Variants in SDK1 observed in about 807,000 individuals in gnomAD.
SDK1 encodes protein sidekick-1.
A neutral mutation model predicts 245.5 loss-of-function variants in SDK1; 157 were observed. The ratio of observed to expected loss-of-function variants is 0.64; its 90% CI spans 0.56 to 0.73. SDK1 has a LOEUF of 0.73. Ranked by LOEUF, SDK1 falls within the 30% of genes least tolerant of loss-of-function variation. The pLI, the probability that SDK1 is intolerant of heterozygous loss-of-function variation, is 0.00. For missense variants in SDK1, 3,583 were observed against 3,002.3 expected (o/e 1.19, Z -4.52); for synonymous variants, 1,647 against 1,278.5 (o/e 1.29, Z -6.15).
At chr7:3,906,527 A>G (rs549812391) in intron 5 of SDK1, among the ~76,000 whole-genome samples, 8 of 140,558 alleles carry the variant, frequency 5.7e-5, no homozygotes, top group Admixed American at 5.2e-4. Context: ...TGCTTGTGCT[A>G]TTGTCCTGCT....
In SDK1 at chr7:4,010,960, T is replaced by C. The variant is rs1785898426; in HGVS notation, c.2132-6T>C. 1 of 1,614,172 alleles carries C rather than the reference T, an allele frequency of 6.2e-7. No individual in the cohort carries two copies. Among genetic ancestry groups the C allele is most frequent in the Non-Finnish European group, 8.5e-7 (1 of 1,179,982 alleles). ...GGGCTTGAATTCGTTTTCTTCATTC[T>C]TTCAGACTCTCCATGGAAGGTGCAT... On this transcript the variant is annotated splice_polypyrimidine_tract_variant and splice_region_variant and intron_variant, in intron 14 of 44. Coordinates refer to ENST00000404826, the MANE Select transcript of SDK1 (RefSeq NM_152744.4).
At chr7:3,316,431 T>C (rs1420996708) in intron 1 of SDK1, among the ~76,000 whole-genome samples, 1 of 152,166 alleles carries the variant, frequency 6.6e-6, no homozygotes, top group Non-Finnish European at 1.5e-5. Context: ...CCATAACATC[T>C]AGGTTTGTGT....
At chr7:3,308,990 A>G (rs1779486135) in intron 1 of SDK1, among the ~76,000 whole-genome samples, 1 of 152,184 alleles carries the variant, frequency 6.6e-6, no homozygotes, top group Non-Finnish European at 1.5e-5. Context: ...AGTTGGTAGC[A>G]GGAATTTTAG....
intron 1 of SDK1, among the ~76,000 whole-genome samples, chr7:3,311,221 G>C (rs999329960): frequency 3.3e-5 from 5 of 152,090 alleles, no homozygotes; most frequent in African/African-American, 1.2e-4. Flanking sequence ...ATGAGTTAGG[G>C]AATGGTTATG....
intron 17 of SDK1, among the ~76,000 whole-genome samples, chr7:4,047,177 G>T (rs1443197214): frequency 6.6e-6 from 1 of 152,052 alleles, no homozygotes; most frequent in African/African-American, 2.4e-5. Context: ...TGCTGAGAGG[G>T]TTTTTTCTTT....
At chr7:3,791,487 G>A (rs563962761) in intron 4 of SDK1, among the ~76,000 whole-genome samples, 1 of 152,176 alleles carries the variant, frequency 6.6e-6, no homozygotes, top group Non-Finnish European at 1.5e-5. Context: ...CATCAGTCAT[G>A]AGCCCAAAAT....
chr7:3,814,828 C>T (rs1243826620), intron 4 of SDK1, among the ~76,000 whole-genome samples: 1 of 151,168 alleles, frequency 6.6e-6, no homozygotes, highest in Admixed American at 6.6e-5. Flanking sequence ...AGGTCCTTCA[C>T]ATCCCTTGTA....
chr7:3,330,961 G>T (rs1324629001), intron 1 of SDK1, among the ~76,000 whole-genome samples: 1 of 151,680 alleles, frequency 6.6e-6, no homozygotes, highest in Non-Finnish European at 1.5e-5. Flanking sequence ...GTAAGACCCT[G>T]TCTCTTAAAA....
intron 33 of SDK1, 79 bp from the exon 34 acceptor site, chr7:4,175,696 C>T (rs993849956): frequency 3.3e-6 from 4 of 1,222,850 alleles, no homozygotes; most frequent in Non-Finnish European, 4.8e-6. Flanking sequence ...CACCTGTCTC[C>T]CTTGTTCCTG....
intron 4 of SDK1, among the ~76,000 whole-genome samples, chr7:3,807,281 G>A (rs1779274896): frequency 6.6e-6 from 1 of 152,150 alleles, no homozygotes; most frequent in South Asian, 2.1e-4. Flanking sequence ...AGGCCAAGAA[G>A]GCCTGCCTAG....
intron 1 of SDK1, among the ~76,000 whole-genome samples, chr7:3,348,846 T>TTGC (rs758654081): frequency 6.6e-6 from 1 of 152,180 alleles, no homozygotes; most frequent in Non-Finnish European, 1.5e-5. Flanking sequence ...AGGATGACTT[T>TTGC]TGCTTTTATT....
In SDK1 at chr7:3,486,606, A is replaced by G. The variant is rs577253019; in HGVS notation, c.299-132474A>G. Among the ~76,000 whole-genome samples the G allele has an allele frequency of 4.5e-4, 69 of 151,758 alleles. 1 individual carries two copies. Among genetic ancestry groups the G allele is most frequent in the Admixed American group, 2.8e-3 (42 of 15,254 alleles). On this transcript the variant is annotated intron_variant, in intron 1 of 44. Transcript: ENST00000404826. ...CTTTATTTTGTGCGCTTTATTTGTT[A>G]TGTATGTATGATGAAAATGGAAATT...
chr7:3,358,558 A>C (rs1046023949), intron 1 of SDK1, among the ~76,000 whole-genome samples: 1 of 152,066 alleles, frequency 6.6e-6, no homozygotes, highest in Non-Finnish European at 1.5e-5. Context: ...TCACGCTTAC[A>C]GCATAAGTTA....
At chr7:3,420,547 A>C (rs765353221) in intron 1 of SDK1, among the ~76,000 whole-genome samples, 3 of 152,130 alleles carry the variant, frequency 2.0e-5, no homozygotes, top group Non-Finnish European at 4.4e-5. Context: ...TAGTCGTGCT[A>C]ATCTTTTAGG....
At chr7:4,155,202 T>A in intron 30 of SDK1, among the ~76,000 whole-genome samples, 1 of 151,596 alleles carries the variant, frequency 6.6e-6, no homozygotes, top group South Asian at 2.1e-4. Flanking sequence ...TTGGGGGCAC[T>A]GGCGTGGCTT....
intron 8 of SDK1, among the ~76,000 whole-genome samples, chr7:3,959,859 C>A (rs1781540899): frequency 6.6e-6 from 1 of 152,056 alleles, no homozygotes; most frequent in African/African-American, 2.4e-5. Flanking sequence ...TCCCAGCCCT[C>A]ATCCCCATGC....
chr7:3,758,837 A>G (rs181939950), intron 4 of SDK1, among the ~76,000 whole-genome samples: 16 of 152,174 alleles, frequency 1.1e-4, no homozygotes, highest in African/African-American at 3.9e-4. Context: ...GGAAACAGGT[A>G]TATGTATTCC....
At position 3,717,157 on chromosome 7, in the gene SDK1, T is replaced by C. The variant is rs181176180; in HGVS notation, c.713+75052T>C. 4.6e-5 allele frequency among the ~76,000 whole-genome samples: 7 copies of C among 152,316 alleles called. No individual in the cohort carries two copies. The East Asian group carries it at 1.4e-3, about 29-fold the overall frequency. On this transcript the variant is annotated intron_variant, in intron 4 of 44. Coordinates refer to ENST00000404826, the MANE Select transcript of SDK1 (RefSeq NM_152744.4). ...TGTGATAGGTTATAGATGCCTCTTA[T>C]AACAATTAGAGGAACTAATTGACCG...
intron 4 of SDK1, among the ~76,000 whole-genome samples, chr7:3,649,672 G>A (rs1023366342): frequency 4.6e-5 from 7 of 152,088 alleles, no homozygotes; most frequent in African/African-American, 9.7e-5. Context: ...GCAGCCCAGC[G>A]GTTTAGTACT....
Sources: gnomAD v4.1 joint callset for allele counts (sites outside exome capture counted in the v4.1 genomes callset) on GRCh38, gnomAD v4.1.1 for gene constraint, MANE v1.5 for transcripts, NCBI Gene and HGNC (gene_info 2026-07-23, HGNC 2026-07-21) for gene names.